The following HLF variants were observed in gnomAD, a reference collection of about 807,000 sequenced individuals.
HLF encodes hepatic leukemia factor.
In HLF, 3 loss-of-function variants were observed where a neutral mutation model predicts 22.6. The ratio of observed to expected loss-of-function variants is 0.13; its 90% CI spans 0.06 to 0.34. The LOEUF is 0.34. HLF is among the 10% of genes least tolerant of loss of function. The pLI is 1.00. For synonymous variants in HLF, 151 were observed against 151.8 expected (o/e 0.99, Z 0.04); for missense variants, 299 against 389.2 (o/e 0.77, Z 1.95).
intron 2 of HLF, among the ~76,000 whole-genome samples, chr17:55,306,564 G>GTGTA (rs950919547): frequency 1.3e-5 from 2 of 151,858 alleles, no homozygotes; most frequent in African/African-American, 4.8e-5. Flanking sequence ...GTGTGTGTGT[G>GTGTA]TGTGTGTGTG....
At chr17:55,301,134 C>T (rs2081154197) in intron 2 of HLF, among the ~76,000 whole-genome samples, 1 of 152,244 alleles carries the variant, frequency 6.6e-6, no homozygotes, top group Admixed American at 6.5e-5. Flanking sequence ...CCCTGCACTC[C>T]CTCCAAAGAT....
chr17:55,298,633 G>A (rs928899170), intron 2 of HLF, among the ~76,000 whole-genome samples: 1 of 152,168 alleles, frequency 6.6e-6, no homozygotes, highest in African/African-American at 2.4e-5. Context: ...GTATGTTAGG[G>A]ATCTGTATGA....
intron 2 of HLF, among the ~76,000 whole-genome samples, chr17:55,273,354 G>A (rs1020032023): frequency 1.3e-5 from 2 of 152,214 alleles, no homozygotes; most frequent in Non-Finnish European, 2.9e-5. Context: ...GCATTCAGCT[G>A]TTATGGTGTC....
chr17:55,265,241 C>T lies in HLF; in HGVS notation c.-244C>T, dbSNP rs2145284804. ...GCATCCTGCACGTCGCCGGGGAGCC[C>T]GCGGGCACTTGGCGCGCTCTCCTGG... On this transcript the variant is annotated 5_prime_UTR_variant, in exon 1 of 4. Coordinates refer to ENST00000226067, the MANE Select transcript of HLF (RefSeq NM_002126.5). The T allele has an allele frequency of 5.2e-6, 2 of 381,484 alleles. No individual in the cohort carries two copies. Among genetic ancestry groups the T allele is most frequent in the Non-Finnish European group, 9.2e-6 (2 of 217,274 alleles). 23.6% of individuals were successfully genotyped at this position (381,484 alleles called of 1,614,324 possible).
In HLF at chr17:55,265,071, G is replaced by A. The variant is rs1216956049; in HGVS notation, c.-414G>A. The A allele has an allele frequency of 5.4e-6, 1 of 185,666 alleles. No individual in the cohort carries two copies. The highest frequency in any genetic ancestry group is 1.1e-5 in the Non-Finnish European group (1 of 87,738). 11.5% of individuals were successfully genotyped at this position (185,666 alleles called of 1,614,324 possible). On this transcript the variant is annotated 5_prime_UTR_variant, in exon 1 of 4. Coordinates refer to ENST00000226067, the MANE Select transcript of HLF (RefSeq NM_002126.5). Reference sequence around the variant, plus strand: ...CCGGCGCGGGGAGGGGGGTGGGGTGGGACGGCGCACCGCCTCCGGTGCTGG... The same window carrying A: ...CCGGCGCGGGGAGGGGGGTGGGGTGAGACGGCGCACCGCCTCCGGTGCTGG...
intron 2 of HLF, among the ~76,000 whole-genome samples, chr17:55,288,498 C>CA (rs1254925092): frequency 1.3e-5 from 2 of 152,104 alleles, no homozygotes; most frequent in East Asian, 3.9e-4. Flanking sequence ...TGCCATGGCT[C>CA]ACGCCTATAA....
chr17:55,297,939 G>A (rs1172055532), intron 2 of HLF, among the ~76,000 whole-genome samples: 8 of 151,672 alleles, frequency 5.3e-5, no homozygotes, highest in African/African-American at 1.9e-4. Flanking sequence ...TAGTAGAGAC[G>A]GAGTTTCGCC....
Position 55,324,950 on chromosome 17 carries a change from G to A in HLF, c.*4071G>A. The stretch of plus-strand genomic sequence containing the variant: ...CGCATCTGTTAAACAGGTACAAGTT[G>A]ACATGAGGTTAGTTTAATTGTACAC... On this transcript the variant is annotated 3_prime_UTR_variant, in exon 4 of 4. Coordinates refer to ENST00000226067, the MANE Select transcript of HLF (RefSeq NM_002126.5). 1 of 231,102 alleles carries A rather than the reference G, an allele frequency of 4.3e-6. No individual in the cohort carries two copies. The highest frequency in any genetic ancestry group is 8.6e-6 in the Non-Finnish European group (1 of 116,430). The allele number at this position is 231,102 out of a possible 1,614,324, so 14.3% of individuals were successfully genotyped here.
intron 2 of HLF, among the ~76,000 whole-genome samples, chr17:55,305,080 T>A (rs1042148145): frequency 2.0e-5 from 3 of 152,180 alleles, no homozygotes; most frequent in Non-Finnish European, 4.4e-5. Context: ...AATACAGACC[T>A]CCCCCAAGAA....
In HLF at chr17:55,320,242, A is replaced by G. The variant is rs1905217920; in HGVS notation, c.673-422A>G. The stretch of plus-strand genomic sequence containing the variant: ...ATTTAAATAGTTGATAGATATTGCC[A>G]AATTGCCTTCTAAAATTTTTGTACC... On this transcript the variant is annotated intron_variant, in intron 3 of 3. Transcript: ENST00000226067. This position sits in a 1 kb window ranked among gnomAD's most constrained non-coding sequence, Gnocchi z 4.2. 6.6e-6 allele frequency among the ~76,000 whole-genome samples: 1 copy of G among 152,226 alleles called. No homozygotes were observed. Among genetic ancestry groups the G allele is most frequent in the African/African-American group, 2.4e-5 (1 of 41,464 alleles).
intron 2 of HLF, among the ~76,000 whole-genome samples, chr17:55,275,994 G>A (rs1216325419): frequency 6.6e-6 from 1 of 152,106 alleles, no homozygotes; most frequent in African/African-American, 2.4e-5. Context: ...TGTAGTCTTG[G>A]CTACTTGGGA....
chr17:55,293,802 A>G (rs939297103), intron 2 of HLF, among the ~76,000 whole-genome samples: 1 of 152,182 alleles, frequency 6.6e-6, no homozygotes, highest in South Asian at 2.1e-4. Context: ...TGTGGAAGGT[A>G]GTAGAATGTC....
At chr17:55,288,942 T>A in intron 2 of HLF, 1 of 985,296 alleles carries the variant, frequency 1.0e-6, no homozygotes, top group Non-Finnish European at 1.2e-6. Context: ...TAAGAGTTCT[T>A]AAAACTCATC....
At chr17:55,289,763 G>A (rs2081042151) in intron 2 of HLF, among the ~76,000 whole-genome samples, 1 of 152,004 alleles carries the variant, frequency 6.6e-6, no homozygotes, top group Non-Finnish European at 1.5e-5. Flanking sequence ...GATTCACTTG[G>A]GGGTCTCAGG....
In HLF at chr17:55,264,994, A is replaced by G. The variant is rs1208181803; in HGVS notation, c.-491A>G. 6.4e-6 allele frequency: 1 copy of G among 157,180 alleles called. No homozygotes were observed. Among genetic ancestry groups the G allele is most frequent in the Non-Finnish European group, 1.3e-5 (1 of 74,442 alleles). 9.7% of individuals were successfully genotyped at this position (157,180 alleles called of 1,614,324 possible). A position where few individuals can be genotyped will look rare whatever the true frequency, so the allele number is the denominator to read the frequency against. On this transcript the variant is annotated 5_prime_UTR_variant, in exon 1 of 4. It removes an upstream start codon present in the reference 5' UTR. Transcript: ENST00000226067. ...AGGGCCGCGGCACATGGGCGGCCGG[A>G]TGCGCTGAGCCCGGCGCTGCGGGGC...
intron 3 of HLF, chr17:55,318,896 C>T (rs1373979389): frequency 1.3e-5 from 2 of 152,644 alleles, no homozygotes; most frequent in African/African-American, 2.4e-5. Context: ...ATTGACTCGC[C>T]TGACTCCTCC....
intron 2 of HLF, among the ~76,000 whole-genome samples, chr17:55,270,489 G>C (rs922286638): frequency 6.6e-6 from 1 of 152,190 alleles, no homozygotes; most frequent in African/African-American, 2.4e-5. Context: ...TGATTATTCT[G>C]TGTGGCTCAC....
rs1400675097 is a variant in HLF, at chr17:55,321,577, G to C, written c.*698G>C. The C allele has an allele frequency of 8.7e-6, 2 of 229,044 alleles. No homozygotes were observed. Among genetic ancestry groups the C allele is most frequent in the East Asian group, 1.3e-4 (2 of 15,926 alleles). The allele number at this position is 229,044 out of a possible 1,614,324, so 14.2% of individuals were successfully genotyped here. ...GAGTACTATTAATAGAACACAGAGTGTGTTTTTGCACTGTCTGTACCTAAA... is the reference window on the plus strand; with the variant it reads ...GAGTACTATTAATAGAACACAGAGTCTGTTTTTGCACTGTCTGTACCTAAA... On this transcript the variant is annotated 3_prime_UTR_variant, in exon 4 of 4. Coordinates refer to ENST00000226067, the MANE Select transcript of HLF (RefSeq NM_002126.5).
At chr17:55,310,537 T>C (rs1244586762) in intron 2 of HLF, among the ~76,000 whole-genome samples, 1 of 152,258 alleles carries the variant, frequency 6.6e-6, no homozygotes, top group Non-Finnish European at 1.5e-5. Flanking sequence ...ATCTGAAGAA[T>C]TAAAAGCATA....
Sources: allele counts gnomAD v4.1 joint callset (sites outside exome capture counted in the v4.1 genomes callset), GRCh38; gene constraint gnomAD v4.1.1; non-coding constraint Gnocchi (gnomAD v3.1); transcripts MANE v1.5; gene names NCBI Gene and HGNC (gene_info 2026-07-23, HGNC 2026-07-21).